The following MYH10 variants were observed in gnomAD, a reference collection of about 807,000 sequenced individuals.
MYH10 encodes the protein myosin-10.
MYH10 carries 55 observed loss-of-function variants against 257.8 expected under a neutral mutation model. That is an observed-to-expected ratio of 0.21 (90% CI 0.17 to 0.27). MYH10 has a LOEUF of 0.27. Among genes scored for constraint, MYH10 ranks in the 10% least tolerant of loss-of-function variants. MYH10 has a pLI of 1.00. For synonymous variants in MYH10, 854 were observed against 921.7 expected, an observed-to-expected ratio of 0.93 and a Z score of 1.33; for missense variants, 1,631 against 2,500.6, an observed-to-expected ratio of 0.65 and a Z score of 7.42.
intron 21 of MYH10, among the ~76,000 whole-genome samples, chr17:8,515,881 CA>C (rs531061326): frequency 6.4e-4 from 98 of 152,220 alleles, no homozygotes; most frequent in African/African-American, 2.2e-3. Flanking sequence ...GTTTCTACTA[CA>C]AAAACAAAAG....
intron 3 of MYH10, among the ~76,000 whole-genome samples, chr17:8,592,686 T>C (rs1014288391): frequency 1.1e-4 from 17 of 150,852 alleles, no homozygotes; most frequent in African/African-American, 4.1e-4. Context: ...CATAGCTCTA[T>C]TAGAAAATTC....
intron 13 of MYH10, among the ~76,000 whole-genome samples, chr17:8,543,259 T>A (rs374027428): frequency 6.6e-6 from 1 of 152,324 alleles, no homozygotes; most frequent in East Asian, 1.9e-4. Context: ...ATCTTTTCCA[T>A]TCTCCAGAAG....
intron 34 of MYH10, among the ~76,000 whole-genome samples, chr17:8,491,850 A>T (rs1048159739): frequency 3.3e-5 from 5 of 152,194 alleles, no homozygotes; most frequent in African/African-American, 1.2e-4. Flanking sequence ...AAGCCCCCAA[A>T]GCTACTGAAG....
chr17:8,518,851 C>T (rs376704143), intron 20 of MYH10, 30 bp downstream of exon 20: 7 of 1,602,424 alleles, frequency 4.4e-6, no homozygotes, highest in African/African-American at 1.4e-5. Flanking sequence ...ATTAAATCTA[C>T]AAGCCAGAAA....
Position 8,569,619 on chromosome 17 carries a change from T to C in MYH10, c.756+101A>G. 1.2e-6 allele frequency: 1 copy of C among 818,784 alleles called. No individual in the cohort carries two copies. Among genetic ancestry groups the C allele is most frequent in the Non-Finnish European group, 1.9e-6 (1 of 539,818 alleles). The allele number at this position is 818,784 out of a possible 1,614,324, so 50.7% of individuals were successfully genotyped here. On this transcript the variant is annotated intron_variant, in intron 7 of 42. Transcript: ENST00000360416. This position sits in a 1 kb window ranked among gnomAD's most constrained non-coding sequence, Gnocchi z 4.1. ...TGTCTACAGAACTACATCTATTAGC[T>C]TCTTAAAATCTAGGAAGAAAAGTAA...
chr17:8,495,077 C>T, intron 31 of MYH10, 60 bp downstream of exon 31: 2 of 1,029,600 alleles, frequency 1.9e-6, no homozygotes, highest in East Asian at 2.4e-5. Flanking sequence ...CATATTTCAC[C>T]AGCTTATATA....
intron 42 of MYH10, among the ~76,000 whole-genome samples, chr17:8,476,574 G>A (rs1390634606): frequency 6.6e-6 from 1 of 152,200 alleles, no homozygotes; most frequent in Non-Finnish European, 1.5e-5. Flanking sequence ...TGCTTTTTAA[G>A]AGAGGCTGGG....
At chr17:8,581,895 C>T (rs761642239) in intron 4 of MYH10, among the ~76,000 whole-genome samples, 1 of 152,152 alleles carries the variant, frequency 6.6e-6, no homozygotes, top group Non-Finnish European at 1.5e-5. Flanking sequence ...GATTCAAATC[C>T]TTCTGCCACT....
chr17:8,525,763 TA>T (rs1027124975), intron 17 of MYH10, among the ~76,000 whole-genome samples: 45 of 152,138 alleles, frequency 3.0e-4, no homozygotes, highest in East Asian at 5.8e-4. Context: ...ATATTCAGAT[TA>T]AAAAAAATAA....
chr17:8,516,983 T>C (rs1188868475), intron 21 of MYH10, among the ~76,000 whole-genome samples: 2 of 151,572 alleles, frequency 1.3e-5, no homozygotes, highest in African/African-American at 2.4e-5. Context: ...CTAAAAAAAA[T>C]ACAAAAAATT....
chr17:8,528,262 T>G (rs913872057), intron 17 of MYH10, among the ~76,000 whole-genome samples: 1 of 152,214 alleles, frequency 6.6e-6, no homozygotes, highest in African/African-American at 2.4e-5. Flanking sequence ...CTAAAGCCTT[T>G]GATAGTCTCA....
intron 35 of MYH10, 74 bp from the exon 36 acceptor site, chr17:8,487,668 T>TGG: frequency 3.2e-6 from 5 of 1,554,264 alleles, no homozygotes; most frequent in African/African-American, 1.4e-5. Context: ...TGTTCTCAAG[T>TGG]GGGGGGCTCT....
intron 21 of MYH10, among the ~76,000 whole-genome samples, chr17:8,517,462 A>G (rs1413986285): frequency 6.6e-6 from 1 of 152,196 alleles, no homozygotes; most frequent in African/African-American, 2.4e-5. Context: ...ATGGCAAACT[A>G]TTCAACCTGT....
At position 8,578,311 on chromosome 17, in the gene MYH10, C is replaced by T. The variant is rs1018338073; in HGVS notation, c.531-973G>A. 4.9e-5 allele frequency among the ~76,000 whole-genome samples: 7 copies of T among 143,806 alleles called. No individual in the cohort carries two copies. The South Asian group carries it at 8.7e-4, about 18-fold the overall frequency. 94.3% of individuals were successfully genotyped at this position (143,806 alleles called of 152,430 possible). ...AGGCTGGAGCACAGTGGCATGATCT[C>T]GGCTCATTACAACCTCTGCCTCCTG... On this transcript the variant is annotated intron_variant, in intron 4 of 42. Coordinates refer to ENST00000360416, the MANE Select transcript of MYH10 (RefSeq NM_001256012.3).
intron 17 of MYH10, among the ~76,000 whole-genome samples, chr17:8,521,828 A>G (rs780430538): frequency 6.6e-6 from 1 of 152,248 alleles, no homozygotes; most frequent in African/African-American, 2.4e-5. Context: ...ATTAGATTAC[A>G]GGAGTTCAGA....
rs1280083019 is a variant in MYH10, at chr17:8,475,290, T to C, written c.*514A>G. 1.3e-5 allele frequency: 2 copies of C among 153,228 alleles called. No individual in the cohort carries two copies. Among genetic ancestry groups the C allele is most frequent in the Non-Finnish European group, 2.9e-5 (2 of 68,794 alleles). 9.5% of individuals were successfully genotyped at this position (153,228 alleles called of 1,614,324 possible). A position where few individuals can be genotyped will look rare whatever the true frequency, so the allele number is the denominator to read the frequency against. On this transcript the variant is annotated 3_prime_UTR_variant, in exon 43 of 43. Transcript: ENST00000360416. ...CCCTTTCACAGTTTGCTCACTGAAA[T>C]AGCATTGATCATTATTTGAAGGAAA...
intron 28 of MYH10, among the ~76,000 whole-genome samples, chr17:8,503,177 G>A (rs1426423957): frequency 6.6e-6 from 1 of 152,182 alleles, no homozygotes; most frequent in African/African-American, 2.4e-5. Context: ...CAGCTACTCG[G>A]GAGGCTGAGG....
intron 4 of MYH10, among the ~76,000 whole-genome samples, chr17:8,579,134 C>G (rs2074018730): frequency 6.6e-6 from 1 of 152,066 alleles, no homozygotes; most frequent in African/African-American, 2.4e-5. Flanking sequence ...AACAAATCAG[C>G]TGGGTGTGGT....
chr17:8,629,948 C>T (rs1294901632), intron 1 of MYH10, among the ~76,000 whole-genome samples: 1 of 151,838 alleles, frequency 6.6e-6, no homozygotes, highest in Non-Finnish European at 1.5e-5. Flanking sequence ...AGCCCCTCAC[C>T]CGCCGCGCGC....
Sources: allele counts gnomAD v4.1 joint callset (sites outside exome capture counted in the v4.1 genomes callset), GRCh38; gene constraint gnomAD v4.1.1; non-coding constraint Gnocchi (gnomAD v3.1); transcripts MANE v1.5; gene names NCBI Gene and HGNC (gene_info 2026-07-23, HGNC 2026-07-21).